NRXN2: variants seen among roughly 807,000 people sequenced by gnomAD.
NRXN2 encodes neurexin 2, also known as neurexin-2-beta.
A neutral mutation model predicts 128.8 loss-of-function variants in NRXN2; 29 were observed. The observed-to-expected ratio is 0.23, with a 90% CI of 0.17 to 0.31. The LOEUF (loss-of-function observed/expected upper bound fraction) is 0.31, where lower values mean the gene tolerates loss of function less well. NRXN2 is among the 10% of genes least tolerant of loss of function. NRXN2 has a pLI of 1.00. For missense variants in NRXN2, 1,881 were observed against 2,452.6 expected, an observed-to-expected ratio of 0.77 and a Z score of 4.92; for synonymous variants, 1,098 against 1,075.2, an observed-to-expected ratio of 1.02 and a Z score of -0.41.
intron 9 of NRXN2, among the ~76,000 whole-genome samples, chr11:64,664,691 T>C (rs1002104114): frequency 6.6e-6 from 1 of 151,814 alleles, no homozygotes; most frequent in African/African-American, 2.4e-5. Flanking sequence ...TGTGTGCACA[T>C]AGGAAATGGG....
At chr11:64,642,942 C>T in intron 17 of NRXN2, 1 of 1,022,810 alleles carries the variant, frequency 9.8e-7, no homozygotes, top group Non-Finnish European at 1.2e-6. Context: ...AGGGCCCAAG[C>T]CTCGGTCCGG....
In NRXN2 at chr11:64,623,213, G is replaced by C. The variant is rs1240137300; in HGVS notation, c.3848-135C>G. On this transcript the variant is annotated intron_variant, in intron 20 of 22. Transcript: ENST00000265459. This position sits in a 1 kb window ranked among gnomAD's most constrained non-coding sequence, Gnocchi z 4.9. ...AAGCCAGTAAGGGAGGAGGGGACGG[G>C]GAGAAATGAGGAAGGGGCAGAAAGC... The C allele has an allele frequency of 7.3e-7, 1 of 1,362,128 alleles. No individual in the cohort carries two copies. The highest frequency in any genetic ancestry group is 1.5e-5 in the African/African-American group (1 of 68,424). The allele number at this position is 1,362,128 out of a possible 1,614,324, so 84.4% of individuals were successfully genotyped here.
At position 64,660,901 on chromosome 11, in the gene NRXN2, A is replaced by G. The variant is rs2048937269; in HGVS notation, c.2037T>C (p.Ala679=). 4 of 1,613,458 alleles carry G rather than the reference A, an allele frequency of 2.5e-6. No homozygotes were observed. Among genetic ancestry groups the G allele is most frequent in the Non-Finnish European group, 2.5e-6 (3 of 1,179,626 alleles). ...DLRGLAEAQG[A]VGVAPFCSRE... ...GGGAGCAAAAGGGGGCAACGCCCAC[A>G]GCCCCCTGAGCCTCAGCCAGGCCCC... The change falls in exon 10 of 23, where the codon GCT becomes GCC. Residue 679 remains alanine, a synonymous_variant. Coordinates refer to ENST00000265459, the MANE Select transcript of NRXN2 (RefSeq NM_015080.4). The surrounding 1 kb of genome is among the most constrained non-coding windows in gnomAD (Gnocchi z 5.2).
chr11:64,702,457 GA>G (rs2055616429), intron 2 of NRXN2, among the ~76,000 whole-genome samples: 1 of 151,834 alleles, frequency 6.6e-6, no homozygotes, highest in Admixed American at 6.5e-5. Flanking sequence ...TCTGTACTAA[GA>G]AAAATTCTTC....
chr11:64,712,875 T>C (rs2057082435), intron 2 of NRXN2, 95 bp downstream of exon 2: 1 of 1,121,500 alleles, frequency 8.9e-7, no homozygotes, highest in African/African-American at 1.6e-5. Flanking sequence ...CCAGCCCCCG[T>C]GCCTCAGGAG....
intron 2 of NRXN2, among the ~76,000 whole-genome samples, chr11:64,711,786 C>G (rs1159641920): frequency 1.3e-5 from 2 of 152,208 alleles, no homozygotes; most frequent in African/African-American, 4.8e-5. Context: ...CTCACCCAAA[C>G]TGTCCACTCC....
chr11:64,703,597 T>G (rs1342874386), intron 2 of NRXN2, among the ~76,000 whole-genome samples: 1 of 152,200 alleles, frequency 6.6e-6, no homozygotes, highest in African/African-American at 2.4e-5. Flanking sequence ...CAACCAACTT[T>G]GTCTCTTCAT....
At chr11:64,696,245 G>A (rs929220449) in intron 3 of NRXN2, among the ~76,000 whole-genome samples, 1 of 151,608 alleles carries the variant, frequency 6.6e-6, no homozygotes, top group Non-Finnish European at 1.5e-5. Flanking sequence ...ACCCAGACAC[G>A]CAGACTCTCT....
At chr11:64,684,673 G>T (rs936717574) in intron 6 of NRXN2, among the ~76,000 whole-genome samples, 2 of 152,180 alleles carry the variant, frequency 1.3e-5, no homozygotes, top group Non-Finnish European at 2.9e-5. Context: ...GGGAGGAGAA[G>T]GAGGATGACA....
chr11:64,621,435 G>A (rs2042335188), intron 21 of NRXN2, among the ~76,000 whole-genome samples: 1 of 152,164 alleles, frequency 6.6e-6, no homozygotes, highest in Non-Finnish European at 1.5e-5. Flanking sequence ...AGGGCTCCCT[G>A]CTCCCTCGGG....
intron 1 of NRXN2, among the ~76,000 whole-genome samples, chr11:64,717,341 C>G (rs931264090): frequency 3.9e-5 from 6 of 152,198 alleles, no homozygotes; most frequent in African/African-American, 1.4e-4. Flanking sequence ...ACACTGCCAC[C>G]CACTGCTGGC....
chr11:64,660,682 T>C lies in NRXN2; in HGVS notation c.2185+71A>G. 1 of 1,600,370 alleles carries C rather than the reference T, an allele frequency of 6.2e-7. No individual in the cohort carries two copies. The highest frequency in any genetic ancestry group is 8.5e-7 in the Non-Finnish European group (1 of 1,177,470). ...GAGGAGGTGGCACAGGGATGGAAAG[T>C]AGGAGTCACCCTGAGAAGGAGGAGC... On this transcript the variant is annotated intron_variant, in intron 10 of 22. Transcript: ENST00000265459. The surrounding 1 kb of genome is among the most constrained non-coding windows in gnomAD (Gnocchi z 5.2).
chr11:64,679,422 G>A (rs1248849415), intron 6 of NRXN2, among the ~76,000 whole-genome samples: 4 of 152,160 alleles, frequency 2.6e-5, no homozygotes, highest in Non-Finnish European at 5.9e-5. Flanking sequence ...CGGATCATGA[G>A]GTCAGGAGAT....
chr11:64,688,867 C>G, intron 5 of NRXN2: 1 of 954,478 alleles, frequency 1.0e-6, no homozygotes, highest in East Asian at 1.2e-4. Context: ...CAGCGCCCCC[C>G]TCCGCCCTCC....
intron 22 of NRXN2, among the ~76,000 whole-genome samples, chr11:64,620,030 T>G (rs1026423567): frequency 6.6e-6 from 1 of 152,102 alleles, no homozygotes; most frequent in African/African-American, 2.4e-5. Flanking sequence ...AACGCCTCCC[T>G]CCTTCTCTCC....
chr11:64,677,821 C>A (rs1387913890), intron 6 of NRXN2, among the ~76,000 whole-genome samples: 1 of 152,182 alleles, frequency 6.6e-6, no homozygotes, highest in East Asian at 1.9e-4. Flanking sequence ...GGCTAAAGAG[C>A]AAGTTGGTGC....
intron 2 of NRXN2, among the ~76,000 whole-genome samples, chr11:64,709,614 A>C (rs751152206): frequency 2.2e-4 from 33 of 152,240 alleles, no homozygotes; most frequent in Non-Finnish European, 4.4e-4. Flanking sequence ...ATATATACAT[A>C]CATGTTTTCA....
Position 64,648,729 on chromosome 11 carries a change from C to T in NRXN2, c.3283+5G>A. On this transcript the variant is annotated splice_donor_5th_base_variant and intron_variant, in intron 16 of 22. Transcript: ENST00000265459. This position sits in a 1 kb window ranked among gnomAD's most constrained non-coding sequence, Gnocchi z 4.1. ...CCACACCTCACTCCTCCACCCTCCA[C>T]TCACCATCACAGCCCCTCTCCACCT... 6.2e-7 allele frequency: 1 copy of T among 1,613,482 alleles called. No homozygotes were observed.
At position 64,635,195 on chromosome 11, in the gene NRXN2, C is replaced by G. The variant is rs1446895468; in HGVS notation, c.3585+76G>C. 6.5e-6 allele frequency: 10 copies of G among 1,532,786 alleles called. No individual in the cohort carries two copies. Among genetic ancestry groups the G allele is most frequent in the Non-Finnish European group, 9.0e-6 (10 of 1,109,402 alleles). The allele number at this position is 1,532,786 out of a possible 1,614,324, so 94.9% of individuals were successfully genotyped here. A position where few individuals can be genotyped will look rare whatever the true frequency, so the allele number is the denominator to read the frequency against. On this transcript the variant is annotated intron_variant, in intron 18 of 22. Coordinates refer to ENST00000265459, the MANE Select transcript of NRXN2 (RefSeq NM_015080.4). The surrounding 1 kb of genome is among the most constrained non-coding windows in gnomAD (Gnocchi z 4.8). ...ATGAGGGAAGACTTGAGGTGCTGAT[C>G]CCATGGCAATGAGGGGCTGAACTGA...
Sources: allele counts gnomAD v4.1 joint callset (sites outside exome capture counted in the v4.1 genomes callset), GRCh38; gene constraint gnomAD v4.1.1; non-coding constraint Gnocchi (gnomAD v3.1); transcripts MANE v1.5; gene names NCBI Gene and HGNC (gene_info 2026-07-23, HGNC 2026-07-21).